SKIC3: variants seen among roughly 807,000 people sequenced by gnomAD.
The protein encoded by SKIC3 is SKI3 subunit of superkiller complex.
At chr5:95,523,546 C>T in the SKIC3 span, 4 of 1,348,842 alleles carry the variant, frequency 3.0e-6, no homozygotes, top group African/African-American at 6.0e-5. Context: ...TATATTGCAC[C>T]TATAGAAAAA....
At chr5:95,480,783 T>C in the SKIC3 span, among the ~76,000 whole-genome samples, 1 of 152,050 alleles carries the variant, frequency 6.6e-6, no homozygotes, top group Non-Finnish European at 1.5e-5. Flanking sequence ...CGTATGTCCA[T>C]AAAATGAAAT....
chr5:95,509,754 A>AT, the SKIC3 span: 2 of 1,042,946 alleles, frequency 1.9e-6, no homozygotes, highest in South Asian at 1.3e-5. Context: ...TATTCGTTTT[A>AT]TTTTTTCAGT....
the SKIC3 span, among the ~76,000 whole-genome samples, chr5:95,475,849 G>A: frequency 8.3e-4 from 127 of 152,272 alleles, no homozygotes; most frequent in Middle Eastern, 3.4e-3. Flanking sequence ...TAAGAGTAAC[G>A]GTGGGTAACT....
At chr5:95,464,741 G>T in the SKIC3 span, 1 of 1,424,044 alleles carries the variant, frequency 7.0e-7, no homozygotes, top group South Asian at 1.2e-5. Flanking sequence ...TCTATATTTT[G>T]ATTCATTGAA....
chr5:95,528,666 C>T, the SKIC3 span, among the ~76,000 whole-genome samples: 1 of 152,138 alleles, frequency 6.6e-6, no homozygotes, highest in Non-Finnish European at 1.5e-5. Flanking sequence ...GGTTTCCCCT[C>T]TCTATATGAG....
chr5:95,550,920 A>G, the SKIC3 span, among the ~76,000 whole-genome samples: 1 of 152,084 alleles, frequency 6.6e-6, no homozygotes, highest in South Asian at 2.1e-4. Flanking sequence ...TTGAGAAACC[A>G]TTTCAGAAAC....
chr5:95,489,356 C>T, the SKIC3 span, among the ~76,000 whole-genome samples: 2 of 151,318 alleles, frequency 1.3e-5, no homozygotes, highest in Non-Finnish European at 2.9e-5. Context: ...TATACAGACT[C>T]GTATGCTTAT....
chr5:95,465,699 T>A, the SKIC3 span, among the ~76,000 whole-genome samples: 1 of 152,196 alleles, frequency 6.6e-6, no homozygotes, highest in African/African-American at 2.4e-5. Context: ...GTCTGTGACG[T>A]GGATGGACTG....
chr5:95,523,887 A>G, the SKIC3 span: 5 of 1,501,648 alleles, frequency 3.3e-6, no homozygotes, highest in South Asian at 3.4e-5. Context: ...TTTAATGAGT[A>G]TCTTTACAAA....
At chr5:95,473,058 G>A in the SKIC3 span, among the ~76,000 whole-genome samples, 6,860 of 152,166 alleles carry the variant, frequency 0.045, 189 homozygotes, top group South Asian at 0.1. Flanking sequence ...GAATAGTGCG[G>A]TGATAAACAC....
At chr5:95,507,371 T>A in the SKIC3 span, among the ~76,000 whole-genome samples, 3 of 152,192 alleles carry the variant, frequency 2.0e-5, no homozygotes, top group Non-Finnish European at 4.4e-5. Context: ...ATTAGTAGTT[T>A]GAGTTAGGAA....
chr5:95,522,235 G>A, the SKIC3 span: 3 of 1,613,714 alleles, frequency 1.9e-6, no homozygotes, highest in Non-Finnish European at 2.5e-6. Flanking sequence ...AGCCTCCTCT[G>A]CTTAAGTATG....
the SKIC3 span, among the ~76,000 whole-genome samples, chr5:95,492,375 G>A: frequency 1.3e-5 from 2 of 151,580 alleles, no homozygotes; most frequent in African/African-American, 2.4e-5. Flanking sequence ...GGTGGCTCAC[G>A]CCTGTAATCC....
At chr5:95,467,756 C>A in the SKIC3 span, 5 of 1,469,240 alleles carry the variant, frequency 3.4e-6, no homozygotes, top group African/African-American at 1.4e-5. Flanking sequence ...AAAATTCAAT[C>A]ATAAAAGTGA....
chr5:95,507,376 TAGGAAGCC>T, the SKIC3 span, among the ~76,000 whole-genome samples: 1 of 152,196 alleles, frequency 6.6e-6, no homozygotes, highest in Non-Finnish European at 1.5e-5. Context: ...TAGTTTGAGT[TAGGAAGCC>T]AGGAAATTGA....
At chr5:95,492,699 T>TAAAAAAAAAAAAAAA in the SKIC3 span, among the ~76,000 whole-genome samples, 4 of 68,442 alleles carry the variant, frequency 5.8e-5, no homozygotes, top group Non-Finnish European at 1.0e-4. Context: ...ACAAGACAAC[T>TAAAAAAAAAAAAAAA]AAACTAGATA....
At chr5:95,543,757 T>C in the SKIC3 span, among the ~76,000 whole-genome samples, 2 of 152,174 alleles carry the variant, frequency 1.3e-5, no homozygotes, top group African/African-American at 2.4e-5. Flanking sequence ...ATTAGACACA[T>C]GGATTTTTCT....
chr5:95,529,069 C>G, the SKIC3 span: 2 of 1,613,690 alleles, frequency 1.2e-6, no homozygotes, highest in African/African-American at 2.7e-5. Context: ...CAGATGATAC[C>G]ATCCACTTGT....
the SKIC3 span, among the ~76,000 whole-genome samples, chr5:95,486,543 T>C: frequency 6.6e-6 from 1 of 152,142 alleles, no homozygotes; most frequent in African/African-American, 2.4e-5. Context: ...CCCCTGCCTA[T>C]CACAGCCAGG....
Sources: allele counts gnomAD v4.1 joint callset (sites outside exome capture counted in the v4.1 genomes callset), GRCh38; gene constraint gnomAD v4.1.1; transcripts MANE v1.5; gene names NCBI Gene and HGNC (gene_info 2026-07-23, HGNC 2026-07-21).